Variants in FXR1 observed in about 807,000 individuals in gnomAD.
The protein encoded by FXR1 is FMR1 autosomal homolog 1.
A neutral mutation model predicts 84.0 loss-of-function variants in FXR1; 15 were observed. That is an observed-to-expected ratio of 0.18 (90% CI 0.12 to 0.27). The LOEUF (loss-of-function observed/expected upper bound fraction) is 0.27. Ranked by LOEUF, FXR1 falls within the 10% of genes least tolerant of loss-of-function variation. The pLI is 1.00. For missense variants in FXR1, 480 were observed against 774.4 expected, an observed-to-expected ratio of 0.62 and a Z score of 4.51; for synonymous variants, 245 against 250.7, an observed-to-expected ratio of 0.98 and a Z score of 0.21.
intron 15 of FXR1, 53 bp downstream of exon 15, chr3:180,970,411 T>TAA: frequency 3.4e-6 from 1 of 293,680 alleles, no homozygotes; most frequent in Non-Finnish European, 6.2e-6. Context: ...TATATATATA[T>TAA]ATATATATAT....
rs1474093730 is a variant in FXR1, at chr3:180,977,132, G to A, written c.*840G>A. On this transcript the variant is annotated 3_prime_UTR_variant, in exon 17 of 17. Coordinates refer to ENST00000357559, the MANE Select transcript of FXR1 (RefSeq NM_005087.4). ...TGCAATATGTTTTTGTATGCAGGTA[G>A]TAAATAAACTTTGATCTTCCATTTG... 6.7e-5 allele frequency: 10 copies of A among 148,710 alleles called. No individual in the cohort carries two copies. The highest frequency in any genetic ancestry group is 7.4e-5 in the Non-Finnish European group (5 of 67,346). 9.2% of individuals were successfully genotyped at this position (148,710 alleles called of 1,614,324 possible).
chr3:180,951,303 A>C lies in FXR1; in HGVS notation c.636A>C (p.Thr212=). 6.3e-7 allele frequency: 1 copy of C among 1,597,678 alleles called. No homozygotes were observed. The highest frequency in any genetic ancestry group is 1.1e-5 in the South Asian group (1 of 89,632). The change falls in exon 8 of 17, where the codon ACA becomes ACC. Residue 212 remains threonine, a synonymous_variant. Coordinates refer to ENST00000357559, the MANE Select transcript of FXR1 (RefSeq NM_005087.4). ...TAATTTTCCTTTTTTATTAGTGCAC[A>C]AAACAACTTGCAGCAGCTTTTCATG... The part of the protein sequence containing the change: ...NEEATKHLEC[T]KQLAAAFHEE...
At chr3:180,923,371 T>C (rs1371916322) in intron 1 of FXR1, among the ~76,000 whole-genome samples, 1 of 152,140 alleles carries the variant, frequency 6.6e-6, no homozygotes, top group Non-Finnish European at 1.5e-5. Flanking sequence ...GTGATTTGCT[T>C]TTTGGCAAAT....
intron 7 of FXR1, among the ~76,000 whole-genome samples, chr3:180,950,468 G>GT (rs1462234920): frequency 6.6e-5 from 10 of 152,032 alleles, no homozygotes; most frequent in Non-Finnish European, 1.3e-4. Flanking sequence ...GTTTTCGGTG[G>GT]TTTTTTCTTC....
At chr3:180,959,028 G>A (rs993422884) in intron 10 of FXR1, among the ~76,000 whole-genome samples, 3 of 151,834 alleles carry the variant, frequency 2.0e-5, no homozygotes, top group South Asian at 2.1e-4. Flanking sequence ...GGATGGTCTC[G>A]ATCTCTTGAC....
At chr3:180,919,034 A>T (rs1302754630) in intron 1 of FXR1, among the ~76,000 whole-genome samples, 1 of 152,208 alleles carries the variant, frequency 6.6e-6, no homozygotes, top group African/African-American at 2.4e-5. Context: ...TTGCCACATT[A>T]TTACTAATTT....
intron 3 of FXR1, among the ~76,000 whole-genome samples, chr3:180,937,133 C>A (rs549200319): frequency 5.9e-5 from 9 of 152,140 alleles, no homozygotes; most frequent in Non-Finnish European, 1.3e-4. Context: ...GGGCTTGATT[C>A]ATTTTCATTT....
At chr3:180,974,321 C>T (rs1236032608) in intron 15 of FXR1, among the ~76,000 whole-genome samples, 2 of 152,104 alleles carry the variant, frequency 1.3e-5, no homozygotes, top group Admixed American at 6.5e-5. Context: ...CCACGCCTGG[C>T]TAATTCTGAC....
At chr3:180,952,097 G>A (rs1489232516) in intron 8 of FXR1, among the ~76,000 whole-genome samples, 1 of 152,006 alleles carries the variant, frequency 6.6e-6, no homozygotes, top group Non-Finnish European at 1.5e-5. Context: ...TATGTAAATT[G>A]AGACCATCCT....
chr3:180,943,667 A>G (rs894035046), intron 3 of FXR1, among the ~76,000 whole-genome samples: 6 of 152,314 alleles, frequency 3.9e-5, no homozygotes, highest in Non-Finnish European at 5.9e-5. Flanking sequence ...AGAAGTGGAT[A>G]TTAAGTTTAA....
intron 10 of FXR1, among the ~76,000 whole-genome samples, chr3:180,959,992 G>T (rs1711885592): frequency 6.6e-6 from 1 of 152,034 alleles, no homozygotes; most frequent in Admixed American, 6.6e-5. Context: ...TTAACTGTTA[G>T]AAACCATTCT....
chr3:180,956,979 C>T lies in FXR1; in HGVS notation c.881-840C>T, dbSNP rs542638270. Among the ~76,000 whole-genome samples the T allele has an allele frequency of 6.6e-5, 10 of 152,240 alleles. No individual in the cohort carries two copies. The East Asian group carries it at 9.6e-4, about 15-fold the overall frequency. On this transcript the variant is annotated intron_variant, in intron 9 of 16. Transcript: ENST00000357559. ...GTGGACTTGATAACAAATATGCTGT[C>T]GCTGTTCACTGTCTAAGGGATACAT... is the stretch of plus-strand genomic sequence containing the variant.
intron 3 of FXR1, among the ~76,000 whole-genome samples, chr3:180,943,120 C>T (rs1721307759): frequency 1.3e-5 from 2 of 151,904 alleles, no homozygotes; most frequent in African/African-American, 4.8e-5. Flanking sequence ...GCACTCGCCA[C>T]CATGCCCGGC....
chr3:180,946,650 C>T (rs558250284), intron 3 of FXR1, among the ~76,000 whole-genome samples: 5 of 152,258 alleles, frequency 3.3e-5, no homozygotes, highest in East Asian at 1.9e-4. Flanking sequence ...TCATGGTATA[C>T]GATAAAGTTC....
Position 180,946,835 on chromosome 3 carries a change from C to T in FXR1, c.199-1030C>T, listed in dbSNP as rs139162661. 5.4e-3 allele frequency among the ~76,000 whole-genome samples: 819 copies of T among 152,272 alleles called. 3 individuals are homozygous for T. Among genetic ancestry groups the T allele is most frequent in the African/African-American group, 0.018 (757 of 41,572 alleles). On this transcript the variant is annotated intron_variant, in intron 3 of 16. Coordinates refer to ENST00000357559, the MANE Select transcript of FXR1 (RefSeq NM_005087.4). ...CACTGATAGGTTTCCCTGATGATCT[C>T]TGCAAGGACAGTCAATCTTGGTTTT...
At chr3:180,946,160 T>G (rs966780858) in intron 3 of FXR1, among the ~76,000 whole-genome samples, 1 of 152,206 alleles carries the variant, frequency 6.6e-6, no homozygotes, top group African/African-American at 2.4e-5. Flanking sequence ...GGATGGTGTC[T>G]TTGGTCTTTT....
At chr3:180,926,833 AT>A (rs1448190033) in intron 1 of FXR1, among the ~76,000 whole-genome samples, 8 of 152,098 alleles carry the variant, frequency 5.3e-5, no homozygotes, top group African/African-American at 1.9e-4. Context: ...CTTAAAAAAA[AT>A]CTAAAGTAAC....
rs1714343966 is a variant in FXR1 at position 180,977,470 on chromosome 3, A to T, written c.*1178A>T. The T allele has an allele frequency of 6.6e-6, 1 of 152,134 alleles. No homozygotes were observed. Among genetic ancestry groups the T allele is most frequent in the East Asian group, 1.9e-4 (1 of 5,198 alleles). The allele number at this position is 152,134 out of a possible 1,614,324, so 9.4% of individuals were successfully genotyped here. On this transcript the variant is annotated 3_prime_UTR_variant, in exon 17 of 17. Transcript: ENST00000357559. ...AAGGGATGACAAGCAATTTTTAAATAATAGGCCAATGATTTGCTTTATTCA... is the reference window on the plus strand; with the variant it reads ...AAGGGATGACAAGCAATTTTTAAATTATAGGCCAATGATTTGCTTTATTCA...
chr3:180,947,792 ATTAATAAAAAG>A (rs1721849700), intron 3 of FXR1, 62 bp from the exon 4 acceptor site: 1 of 652,052 alleles, frequency 1.5e-6, no homozygotes, highest in African/African-American at 1.8e-5. Flanking sequence ...GGGATTGGGT[ATTAATAAAAAG>A]TCATTTACAG....
Sources: allele counts gnomAD v4.1 joint callset (sites outside exome capture counted in the v4.1 genomes callset), GRCh38; gene constraint gnomAD v4.1.1; transcripts MANE v1.5; gene names NCBI Gene and HGNC (gene_info 2026-07-23, HGNC 2026-07-21).